ST6GALNAC3: variants seen among roughly 807,000 people sequenced by gnomAD.
ST6GALNAC3 encodes the protein ST6 N-acetylgalactosaminide alpha-2,6-sialyltransferase 3.
A neutral mutation model predicts 32.7 loss-of-function variants in ST6GALNAC3; 25 were observed. The observed-to-expected ratio is 0.76, with a 90% confidence interval of 0.56 to 1.07. The LOEUF is 1.07. ST6GALNAC3 is among the 50% of genes least tolerant of loss of function. The probability of loss-of-function intolerance (pLI) is 0.00; values close to 1 mark genes in which losing one functional copy is unlikely to be tolerated. For synonymous variants in ST6GALNAC3, 129 were observed against 133.1 expected, an observed-to-expected ratio of 0.97 and a Z score of 0.21; for missense variants, 355 against 382.4, an observed-to-expected ratio of 0.93 and a Z score of 0.60.
At chr1:76,409,959 C>T (rs184007245) in intron 2 of ST6GALNAC3, among the ~76,000 whole-genome samples, 4 of 152,190 alleles carry the variant, frequency 2.6e-5, no homozygotes, top group Admixed American at 1.3e-4. Context: ...AGAACATAAG[C>T]GGCTTCTCTC....
At chr1:76,407,641 T>A (rs1307081066) in intron 2 of ST6GALNAC3, among the ~76,000 whole-genome samples, 1 of 151,230 alleles carries the variant, frequency 6.6e-6, no homozygotes, top group Non-Finnish European at 1.5e-5. Context: ...ATGCTTTGAG[T>A]GCACAAGAGA....
chr1:76,276,248 C>T lies in ST6GALNAC3; in HGVS notation c.19-37557C>T, dbSNP rs1397280485. Among the ~76,000 whole-genome samples the T allele has an allele frequency of 4.6e-5, 7 of 151,604 alleles. No individual in the cohort carries two copies. In the East Asian group the frequency reaches 5.8e-4, roughly 13 times the overall value. ...AGAAAAATATAATGCGATTTCATAG[C>T]CCCCTTTTAAACTTCCTTAGCAATG... On this transcript the variant is annotated intron_variant, in intron 1 of 4. Transcript: ENST00000328299.
chr1:76,078,155 G>A (rs1646842519), intron 1 of ST6GALNAC3, among the ~76,000 whole-genome samples: 1 of 152,154 alleles, frequency 6.6e-6, no homozygotes, highest in Non-Finnish European at 1.5e-5. Flanking sequence ...TAAGTTTTGA[G>A]GCAGTGCCAA....
chr1:76,492,998 G>T (rs1660593542), intron 3 of ST6GALNAC3, among the ~76,000 whole-genome samples: 3 of 151,850 alleles, frequency 2.0e-5, no homozygotes, highest in African/African-American at 7.3e-5. Context: ...GAAGGAGAAA[G>T]AGGAAGGACA....
intron 1 of ST6GALNAC3, among the ~76,000 whole-genome samples, chr1:76,161,077 G>A (rs1278465190): frequency 6.6e-6 from 1 of 152,146 alleles, no homozygotes; most frequent in Non-Finnish European, 1.5e-5. Flanking sequence ...TTTCTGTAGA[G>A]ATGGGCCGGT....
chr1:76,265,777 A>G (rs1341344933), intron 1 of ST6GALNAC3, among the ~76,000 whole-genome samples: 1 of 152,224 alleles, frequency 6.6e-6, no homozygotes, highest in East Asian at 1.9e-4. Flanking sequence ...CTTAGGGTCT[A>G]GAACGTAGTA....
chr1:76,305,314 A>G (rs553736509), intron 1 of ST6GALNAC3, among the ~76,000 whole-genome samples: 34 of 152,234 alleles, frequency 2.2e-4, no homozygotes, highest in African/African-American at 4.6e-4. Context: ...GAACAGCATG[A>G]CAGAATCCGG....
At chr1:76,426,102 T>A (rs1389666806) in intron 3 of ST6GALNAC3, among the ~76,000 whole-genome samples, 1 of 151,824 alleles carries the variant, frequency 6.6e-6, no homozygotes, top group East Asian at 1.9e-4. Flanking sequence ...GATTCAAATG[T>A]CGCCTTATAA....
At chr1:76,104,370 A>T (rs1370831761) in intron 1 of ST6GALNAC3, among the ~76,000 whole-genome samples, 1 of 152,172 alleles carries the variant, frequency 6.6e-6, no homozygotes, top group African/African-American at 2.4e-5. Context: ...CTTGAAGATG[A>T]TCCATAGACC....
At chr1:76,430,484 C>A (rs535774620) in intron 3 of ST6GALNAC3, among the ~76,000 whole-genome samples, 1 of 152,182 alleles carries the variant, frequency 6.6e-6, no homozygotes, top group Non-Finnish European at 1.5e-5. Context: ...CTAAGCTTTG[C>A]ATCTTTGCTG....
intron 3 of ST6GALNAC3, among the ~76,000 whole-genome samples, chr1:76,475,889 C>T (rs1043420499): frequency 3.3e-5 from 5 of 152,050 alleles, no homozygotes; most frequent in African/African-American, 1.2e-4. Context: ...GTGATGTTCC[C>T]CTCACTGTGT....
At chr1:76,298,806 C>T (rs1660559821) in intron 1 of ST6GALNAC3, among the ~76,000 whole-genome samples, 1 of 152,012 alleles carries the variant, frequency 6.6e-6, no homozygotes, top group African/African-American at 2.4e-5. Context: ...ATCAGCACCA[C>T]ATGGGAATAA....
intron 1 of ST6GALNAC3, among the ~76,000 whole-genome samples, chr1:76,097,515 G>A (rs1647155147): frequency 6.6e-6 from 1 of 152,078 alleles, no homozygotes; most frequent in African/African-American, 2.4e-5. Context: ...AATTTCCTGA[G>A]GCTTCCCCAG....
intron 3 of ST6GALNAC3, among the ~76,000 whole-genome samples, chr1:76,424,319 C>G (rs776954013): frequency 2.0e-5 from 3 of 151,824 alleles, no homozygotes; most frequent in African/African-American, 4.8e-5. Context: ...ATTGGCAGTT[C>G]TGTCATCTGG....
At chr1:76,485,183 C>T (rs1660026639) in intron 3 of ST6GALNAC3, among the ~76,000 whole-genome samples, 1 of 152,050 alleles carries the variant, frequency 6.6e-6, no homozygotes, top group Non-Finnish European at 1.5e-5. Flanking sequence ...CTAAAATTCT[C>T]TTTTTTTGTT....
chr1:76,407,111 G>A (rs776372271), intron 2 of ST6GALNAC3, among the ~76,000 whole-genome samples: 17 of 151,956 alleles, frequency 1.1e-4, no homozygotes, highest in Non-Finnish European at 2.2e-4. Context: ...GCAAAATGTC[G>A]AGATTCATTT....
At chr1:76,398,797 A>G (rs909187509) in intron 2 of ST6GALNAC3, among the ~76,000 whole-genome samples, 2 of 152,202 alleles carry the variant, frequency 1.3e-5, no homozygotes, top group Non-Finnish European at 2.9e-5. Flanking sequence ...GTAGAATGCT[A>G]CAGTTTTCAA....
At chr1:76,336,364 C>T (rs1027299295) in intron 2 of ST6GALNAC3, among the ~76,000 whole-genome samples, 3 of 151,968 alleles carry the variant, frequency 2.0e-5, no homozygotes, top group African/African-American at 7.3e-5. Flanking sequence ...CATGGAATGC[C>T]CTTAAATTTA....
chr1:76,123,922 G>A (rs1254458120), intron 1 of ST6GALNAC3, among the ~76,000 whole-genome samples: 1 of 151,588 alleles, frequency 6.6e-6, no homozygotes, highest in Non-Finnish European at 1.5e-5. Flanking sequence ...GCTAATTTTT[G>A]TATTTTTTGG....
Sources: allele counts gnomAD v4.1 joint callset (sites outside exome capture counted in the v4.1 genomes callset), GRCh38; gene constraint gnomAD v4.1.1; transcripts MANE v1.5; gene names NCBI Gene and HGNC (gene_info 2026-07-23, HGNC 2026-07-21).